PCNX1: variants seen among roughly 807,000 people sequenced by gnomAD.
PCNX1 encodes the protein pecanex-like protein 1.
Under a neutral mutation model 242.2 loss-of-function variants are expected in PCNX1, and 78 were observed. The ratio of observed to expected loss-of-function variants is 0.32; its 90% CI spans 0.27 to 0.39. The LOEUF (loss-of-function observed/expected upper bound fraction) is 0.39. PCNX1 is among the 10% of genes least tolerant of loss of function. The pLI is 1.00. For synonymous variants in PCNX1, 1,024 were observed against 1,032.9 expected (o/e 0.99, Z 0.17); for missense variants, 2,581 against 2,856.5 (o/e 0.90, Z 2.20).
intron 1 of PCNX1, among the ~76,000 whole-genome samples, chr14:70,925,096 C>G (rs949560442): frequency 6.6e-6 from 1 of 151,898 alleles, no homozygotes; most frequent in African/African-American, 2.4e-5. Context: ...TCAAGTGATT[C>G]TCCTGCCTCA....
chr14:71,020,935 G>A (rs908928408), intron 12 of PCNX1, among the ~76,000 whole-genome samples: 1 of 152,086 alleles, frequency 6.6e-6, no homozygotes, highest in Non-Finnish European at 1.5e-5. Context: ...GTTAATTTTT[G>A]TATAAGGTGT....
intron 1 of PCNX1, among the ~76,000 whole-genome samples, chr14:70,926,447 G>T (rs2056594584): frequency 6.6e-6 from 1 of 152,156 alleles, no homozygotes; most frequent in Admixed American, 6.6e-5. Flanking sequence ...TAGCCCTTAT[G>T]AATATGTAAA....
rs2062403816 is a variant in PCNX1, at chr14:71,099,471, T to A, written c.5590-2519T>A. ...CCACGCCCGGCCTATTTTGATTTTT[T>A]AATTTATTGAAACTTGCTTTATGGC... On this transcript the variant is annotated intron_variant, in intron 30 of 35. Coordinates refer to ENST00000304743, the MANE Select transcript of PCNX1 (RefSeq NM_014982.3). 2.0e-5 allele frequency among the ~76,000 whole-genome samples: 3 copies of A among 151,684 alleles called. No homozygotes were observed. In the South Asian group the frequency reaches 6.3e-4, roughly 32 times the overall value.
intron 6 of PCNX1, among the ~76,000 whole-genome samples, chr14:70,984,706 T>A (rs2140204660): frequency 6.6e-6 from 1 of 152,212 alleles, no homozygotes; most frequent in Non-Finnish European, 1.5e-5. Flanking sequence ...TTAAATAGCA[T>A]CTTTATCTGT....
At chr14:71,109,651 T>C in intron 35 of PCNX1, 59 bp downstream of exon 35, 1 of 1,600,192 alleles carries the variant, frequency 6.2e-7, no homozygotes. Context: ...TCCGCCTCAC[T>C]TGGATGCATG....
intron 17 of PCNX1, 142 bp from the exon 18 acceptor site, chr14:71,033,789 C>G (rs780214470): frequency 1.6e-6 from 1 of 626,718 alleles, no homozygotes; most frequent in Non-Finnish European, 2.8e-6. Context: ...TTATGGTATC[C>G]TAAACATTTT....
At chr14:71,045,856 G>T (rs917790024) in intron 20 of PCNX1, among the ~76,000 whole-genome samples, 1 of 152,120 alleles carries the variant, frequency 6.6e-6, no homozygotes, top group Non-Finnish European at 1.5e-5. Flanking sequence ...TAGTTCACTT[G>T]CCAAGCTTTT....
chr14:71,036,594 C>T (rs901230431), intron 19 of PCNX1, among the ~76,000 whole-genome samples: 12 of 152,188 alleles, frequency 7.9e-5, no homozygotes, highest in Non-Finnish European at 1.8e-4. Flanking sequence ...ACCACATAGC[C>T]TCAGTGATAG....
chr14:71,104,054 T>C (rs1255285344), intron 32 of PCNX1, among the ~76,000 whole-genome samples: 2 of 152,224 alleles, frequency 1.3e-5, no homozygotes, highest in Non-Finnish European at 2.9e-5. Context: ...TACCATTCTG[T>C]TCCAACACTA....
rs1394392145 is a variant in PCNX1 at position 70,978,537 on chromosome 14, C to T, written c.2200C>T (p.Leu734=). The change falls in exon 6 of 36, where the codon CTA becomes TTA. Residue 734 remains leucine, a synonymous_variant. Coordinates refer to ENST00000304743, the MANE Select transcript of PCNX1 (RefSeq NM_014982.3). ...EAKEGEVLDE[L]SLLGRASQLE... ...CAAAGAGGGAGAGGTGCTAGATGAG[C>T]TATCTTTATTAGGACGGGCTTCCCA... 1.2e-6 allele frequency: 2 copies of T among 1,614,078 alleles called. No homozygotes were observed. Among genetic ancestry groups the T allele is most frequent in the Admixed American group, 1.7e-5 (1 of 60,008 alleles).
chr14:71,026,418 G>A, intron 14 of PCNX1, 130 bp downstream of exon 14: 1 of 542,702 alleles, frequency 1.8e-6, no homozygotes, highest in Admixed American at 3.6e-5. Context: ...TGTGCTCTGA[G>A]GAACAAAGTG....
intron 24 of PCNX1, chr14:71,053,326 G>A (rs1232634337): frequency 1.3e-5 from 6 of 449,844 alleles, no homozygotes; most frequent in South Asian, 4.7e-5. Flanking sequence ...AGGCTGGAGT[G>A]CAATGACACA....
At chr14:71,047,221 T>G in intron 21 of PCNX1, 116 bp downstream of exon 21, 1 of 589,620 alleles carries the variant, frequency 1.7e-6, no homozygotes, top group Non-Finnish European at 2.7e-6. Context: ...ACTGTGAGAT[T>G]AAAAATTTAG....
At position 71,050,549 on chromosome 14, in the gene PCNX1, A is replaced by T. The variant is rs139474365; in HGVS notation, c.4339-103A>T. The T allele has an allele frequency of 4.2e-4, 431 of 1,015,538 alleles. 2 individuals are homozygous for T. In the African/African-American group the frequency reaches 6.8e-3, roughly 16 times the overall value. The allele number at this position is 1,015,538 out of a possible 1,614,324, so 62.9% of individuals were successfully genotyped here. A position where few individuals can be genotyped will look rare whatever the true frequency, so the allele number is the denominator to read the frequency against. On this transcript the variant is annotated intron_variant, in intron 22 of 35. Transcript: ENST00000304743. ...ATAATTTCAATGCCATTTCCCTATT[A>T]GGAGAACTTCTCCTAATACATTTTA... is the stretch of plus-strand genomic sequence containing the variant.
At chr14:70,932,660 T>C (rs180879036) in intron 1 of PCNX1, among the ~76,000 whole-genome samples, 1 of 152,248 alleles carries the variant, frequency 6.6e-6, no homozygotes, top group East Asian at 1.9e-4. Flanking sequence ...TTGCCCAGGC[T>C]GGAATGCAAT....
Position 71,112,829 on chromosome 14 carries a change from CTT to C in PCNX1, c.*2896_*2897del, listed in dbSNP as rs1285697555. 15 of 152,000 alleles carry C rather than the reference CTT, an allele frequency of 9.9e-5. No homozygotes were observed. The highest frequency in any genetic ancestry group is 3.1e-4 in the African/African-American group (13 of 41,408). The allele number at this position is 152,000 out of a possible 1,614,324, so 9.4% of individuals were successfully genotyped here. On this transcript the variant is annotated 3_prime_UTR_variant, in exon 36 of 36. Coordinates refer to ENST00000304743, the MANE Select transcript of PCNX1 (RefSeq NM_014982.3). Reference sequence around the variant, plus strand: ...TTTGGTGGAGTTGTATGATTGAAAACTTTGCTTTTTCTTGTTTAATTCTTCCG... The same window carrying C: ...TTTGGTGGAGTTGTATGATTGAAAACTGCTTTTTCTTGTTTAATTCTTCCG...
intron 8 of PCNX1, among the ~76,000 whole-genome samples, chr14:71,005,447 G>T (rs1356612395): frequency 6.6e-6 from 1 of 151,654 alleles, no homozygotes; most frequent in Non-Finnish European, 1.5e-5. Flanking sequence ...GTTTGAGATT[G>T]CAGTGAGCTA....
At chr14:71,040,815 C>T (rs888733689) in intron 19 of PCNX1, among the ~76,000 whole-genome samples, 3 of 151,916 alleles carry the variant, frequency 2.0e-5, no homozygotes, top group African/African-American at 7.3e-5. Flanking sequence ...ACCATTGCTA[C>T]CTCCCCCCAC....
intron 19 of PCNX1, among the ~76,000 whole-genome samples, chr14:71,038,505 C>G (rs976385433): frequency 2.6e-5 from 4 of 151,710 alleles, no homozygotes; most frequent in Admixed American, 2.6e-4. Context: ...CAGAGAAATG[C>G]AAATCAAAAC....
Sources: allele counts gnomAD v4.1 joint callset (sites outside exome capture counted in the v4.1 genomes callset), GRCh38; gene constraint gnomAD v4.1.1; transcripts MANE v1.5; gene names NCBI Gene and HGNC (gene_info 2026-07-23, HGNC 2026-07-21).